ACAN: variants seen among roughly 807,000 people sequenced by gnomAD.
ACAN encodes aggrecan.
In ACAN, 47 loss-of-function variants were observed where a neutral mutation model predicts 169.1. That is an observed-to-expected ratio of 0.28 (90% confidence interval 0.22 to 0.35). The LOEUF is 0.35. Among genes scored for constraint, ACAN ranks in the 10% least tolerant of loss-of-function variants. The pLI is 1.00. For synonymous variants in ACAN, 1,115 were observed against 1,112.2 expected, an observed-to-expected ratio of 1.00 and a Z score of -0.05; for missense variants, 2,716 against 2,759.9, an observed-to-expected ratio of 0.98 and a Z score of 0.36.
chr15:88,871,242 C>A lies in ACAN; in HGVS notation c.7061-140C>A. Reference sequence around the variant, plus strand: ...AGACCAGTTTCCAACCTGAACTCCTCCAGCTGTGCCTCTCCCTTCCCTTGA... The same window carrying A: ...AGACCAGTTTCCAACCTGAACTCCTACAGCTGTGCCTCTCCCTTCCCTTGA... On this transcript the variant is annotated intron_variant, in intron 14 of 18. Coordinates refer to ENST00000560601, the MANE Select transcript of ACAN (RefSeq NM_001369268.1). The surrounding 1 kb of genome is among the most constrained non-coding windows in gnomAD (Gnocchi z 7.8). The A allele has an allele frequency of 8.1e-7, 1 of 1,234,434 alleles. No individual in the cohort carries two copies. The highest frequency in any genetic ancestry group is 1.1e-6 in the Non-Finnish European group (1 of 889,914). 76.5% of individuals were successfully genotyped at this position (1,234,434 alleles called of 1,614,324 possible).
chr15:88,837,182 G>A (rs1308907759), intron 2 of ACAN, among the ~76,000 whole-genome samples: 1 of 152,186 alleles, frequency 6.6e-6, no homozygotes, highest in Non-Finnish European at 1.5e-5. Flanking sequence ...CTGTTTGTAT[G>A]GGGTGTGGGC....
intron 1 of ACAN, among the ~76,000 whole-genome samples, chr15:88,835,088 G>T (rs1014039511): frequency 1.3e-5 from 2 of 152,326 alleles, no homozygotes; most frequent in East Asian, 1.9e-4. Context: ...GAGAGCTACA[G>T]CTTCCTAGGT....
At chr15:88,863,097 C>A (rs2141621543) in intron 13 of ACAN, among the ~76,000 whole-genome samples, 1 of 151,910 alleles carries the variant, frequency 6.6e-6, no homozygotes, top group Non-Finnish European at 1.5e-5. Context: ...ATATTTGAAT[C>A]CTCAGGGAAA....
Position 88,847,975 on chromosome 15 carries a change from A to G in ACAN, c.1669A>G (p.Thr557Ala), listed in dbSNP as rs2141587498. 1 of 1,613,970 alleles carries G rather than the reference A, an allele frequency of 6.2e-7. No homozygotes were observed. The highest frequency in any genetic ancestry group is 2.2e-5 in the East Asian group (1 of 44,882). ...CAAGGACAGCAGCCCAGGGGTCAGG[A>G]CCTATGGCGTGCGCCCATCAACAGA... ...GDKDSSPGVR[T>A]YGVRPSTETY... Residue 557 changes from threonine to alanine, a missense_variant, in exon 9 of 19, where the codon ACC becomes GCC. By Grantham distance (58) the Thr-to-Ala change is moderately conservative. This residue lies in a region of ACAN where 1,283 missense variants were observed against 1,281.5 expected (regional missense o/e 1.00). Transcript: ENST00000560601.
At position 88,843,605 on chromosome 15, in the gene ACAN, C is replaced by T. The variant is rs757990771; in HGVS notation, c.1008C>T (p.Gly336=). ...RTVYVHANQT[G]YPDPSSRYDA... ...TCTACGTGCATGCCAACCAGACGGG[C>T]TACCCCGACCCCTCATCCCGCTACG... Residue 336 remains glycine (G), a synonymous_variant, in exon 6 of 19, where the codon GGC becomes GGT. Coordinates refer to ENST00000560601, the MANE Select transcript of ACAN (RefSeq NM_001369268.1). The surrounding 1 kb of genome is among the most constrained non-coding windows in gnomAD (Gnocchi z 4.0). 1.3e-5 allele frequency: 21 copies of T among 1,597,850 alleles called. No homozygotes were observed. The highest frequency in any genetic ancestry group is 1.7e-4 in the Middle Eastern group (1 of 6,036).
Position 88,871,981 on chromosome 15 carries a change from G to C in ACAN, c.7220-22G>C, listed in dbSNP as rs1357000290. ...CCTCAGGGTGTCCAGTGTGATGCCT[G>C]ACACCCTCACCCTTTCCCCAGACAA... is the stretch of plus-strand genomic sequence containing the variant. On this transcript the variant is annotated intron_variant, in intron 15 of 18. Transcript: ENST00000560601. The surrounding 1 kb of genome is among the most constrained non-coding windows in gnomAD (Gnocchi z 7.8). The C allele has an allele frequency of 1.9e-5, 31 of 1,603,950 alleles. No individual in the cohort carries two copies. The highest frequency in any genetic ancestry group is 2.6e-5 in the Non-Finnish European group (31 of 1,170,636).
chr15:88,849,779 AC>A lies in ACAN; in HGVS notation c.2026+52del, dbSNP rs757997957. On this transcript the variant is annotated intron_variant, in intron 10 of 18. Coordinates refer to ENST00000560601, the MANE Select transcript of ACAN (RefSeq NM_001369268.1). This position sits in a 1 kb window ranked among gnomAD's most constrained non-coding sequence, Gnocchi z 5.1. ...CAACAGCCCCTTTTGTCTGGAGAGG[AC>A]CCCACTGGGTTCACCGGATCCTGCC... 6.3e-7 allele frequency: 1 copy of A among 1,595,882 alleles called. No homozygotes were observed. Among genetic ancestry groups the A allele is most frequent in the Non-Finnish European group, 8.5e-7 (1 of 1,171,468 alleles).
At chr15:88,810,194 C>T (rs905279041) in intron 1 of ACAN, among the ~76,000 whole-genome samples, 2 of 152,068 alleles carry the variant, frequency 1.3e-5, no homozygotes, top group Admixed American at 6.5e-5. Context: ...AGGTCCCATT[C>T]CAGCCAGTAA....
chr15:88,838,666 A>G lies in ACAN; in HGVS notation c.74A>G (p.His25Arg). 1 of 1,579,098 alleles carries G rather than the reference A, an allele frequency of 6.3e-7. No homozygotes were observed. The highest frequency in any genetic ancestry group is 8.6e-7 in the Non-Finnish European group (1 of 1,161,092). ...TAAVTVETSD[H>R]DNSLSVSIPQ... ...CTACCCCACCTCTCCCACACAGACC[A>G]TGACAACTCGCTGAGTGTCAGCATC... The change falls in exon 3 of 19, where the codon CAT (histidine) becomes CGT (arginine). Residue 25 changes from histidine (H) to arginine (R), a missense_variant. Coordinates refer to ENST00000560601, the MANE Select transcript of ACAN (RefSeq NM_001369268.1). This position sits in a 1 kb window ranked among gnomAD's most constrained non-coding sequence, Gnocchi z 5.1.
At position 88,807,031 on chromosome 15, in the gene ACAN, T is replaced by G. The variant is rs1291226073; in HGVS notation, c.-8+3222T>G. Among the ~76,000 whole-genome samples the G allele has an allele frequency of 6.6e-6, 1 of 151,050 alleles. No homozygotes were observed. Among genetic ancestry groups the G allele is most frequent in the Non-Finnish European group, 1.5e-5 (1 of 68,026 alleles). On this transcript the variant is annotated intron_variant, in intron 1 of 18. Coordinates refer to ENST00000560601, the MANE Select transcript of ACAN (RefSeq NM_001369268.1). This position sits in a 1 kb window ranked among gnomAD's most constrained non-coding sequence, Gnocchi z 4.0. ...TACAAATTTGATATTTGCATATATTTTTATTTAATTTTTTTTTTACTATAT... is the reference window on the plus strand; with the variant it reads ...TACAAATTTGATATTTGCATATATTGTTATTTAATTTTTTTTTTACTATAT...
In ACAN at chr15:88,843,279, G is replaced by C. The variant is rs1896709689; in HGVS notation, c.758-76G>C. On this transcript the variant is annotated intron_variant, in intron 5 of 18. Coordinates refer to ENST00000560601, the MANE Select transcript of ACAN (RefSeq NM_001369268.1). The surrounding 1 kb of genome is among the most constrained non-coding windows in gnomAD (Gnocchi z 4.0). ...AGGACTCCCAAGACCTCGTGGAAAA[G>C]TGTGGATCTCTCTGGGGATGCAGAG... is the stretch of plus-strand genomic sequence containing the variant. 3 of 1,370,004 alleles carry C rather than the reference G, an allele frequency of 2.2e-6. No individual in the cohort carries two copies. The highest frequency in any genetic ancestry group is 1.5e-5 in the African/African-American group (1 of 66,164). 84.9% of individuals were successfully genotyped at this position (1,370,004 alleles called of 1,614,324 possible).
In ACAN at chr15:88,872,052, A is replaced by T. The variant is rs780745834; in HGVS notation, c.7269A>T (p.Glu2423Asp). Reference sequence around the variant, plus strand: ...TCGGCCTGAACGACAGGACCATCGAAGGGGACTTCCGCTGGTCAGATGGAC... The same window carrying T: ...TCGGCCTGAACGACAGGACCATCGATGGGGACTTCCGCTGGTCAGATGGAC... Reference protein sequence around the residue: ...QWIGLNDRTIEGDFRWSDGHP... With the variant: ...QWIGLNDRTIDGDFRWSDGHP... The change falls in exon 16 of 19, where the codon GAA (glutamate) becomes GAT (aspartate). Residue 2423 changes from glutamate (E) to aspartate (D), a missense_variant. By Grantham distance (45) the Glu-to-Asp change is conservative. Around this residue, in one of 3 missense-constraint regions of ACAN, gnomAD observed 1,389 missense variants for 1,363.7 expected, o/e 1.02. Transcript: ENST00000560601. This position sits in a 1 kb window ranked among gnomAD's most constrained non-coding sequence, Gnocchi z 5.4. 2 of 1,613,964 alleles carry T rather than the reference A, an allele frequency of 1.2e-6. No homozygotes were observed. Among genetic ancestry groups the T allele is most frequent in the Admixed American group, 1.7e-5 (1 of 60,032 alleles).
In ACAN at chr15:88,843,794, C is replaced by T. The variant is rs1896727510; in HGVS notation, c.1051+146C>T. The T allele has an allele frequency of 3.0e-6, 3 of 993,990 alleles. No homozygotes were observed. The highest frequency in any genetic ancestry group is 4.3e-6 in the Non-Finnish European group (3 of 703,794). 61.6% of individuals were successfully genotyped at this position (993,990 alleles called of 1,614,324 possible). On this transcript the variant is annotated intron_variant, in intron 6 of 18. Coordinates refer to ENST00000560601, the MANE Select transcript of ACAN (RefSeq NM_001369268.1). The surrounding 1 kb of genome is among the most constrained non-coding windows in gnomAD (Gnocchi z 4.0). Reference sequence around the variant, plus strand: ...AACCCCATGTTTTTAGGACACCCCTCCATTTTCACTGGTTCCTAGGAAGCC... The same window carrying T: ...AACCCCATGTTTTTAGGACACCCCTTCATTTTCACTGGTTCCTAGGAAGCC...
intron 1 of ACAN, 99 bp from the exon 2 acceptor site, chr15:88,836,101 G>C (rs1487408490): frequency 7.5e-6 from 6 of 803,476 alleles, no homozygotes; most frequent in Non-Finnish European, 2.1e-6. Context: ...CCAGGTCCTT[G>C]GGTGTGGAAT....
intron 2 of ACAN, among the ~76,000 whole-genome samples, chr15:88,836,800 C>A (rs930576531): frequency 1.3e-5 from 2 of 152,252 alleles, no homozygotes; most frequent in Non-Finnish European, 2.9e-5. Context: ...GGGTCTACTG[C>A]TAATCCAGCA....
At chr15:88,840,786 TA>T (rs11333209) in intron 4 of ACAN, among the ~76,000 whole-genome samples, 77,302 of 136,218 alleles carry the variant, frequency 0.57, 20,731 homozygotes, top group African/African-American at 0.64. Flanking sequence ...ACTATAGCCA[TA>T]AAAAAAAAAA....
chr15:88,847,387 A>T lies in ACAN; in HGVS notation c.1574A>T (p.Asp525Val). 1 of 1,585,610 alleles carries T rather than the reference A, an allele frequency of 6.3e-7. No homozygotes were observed. Among genetic ancestry groups the T allele is most frequent in the Non-Finnish European group, 8.6e-7 (1 of 1,164,282 alleles). Residue 525 changes from aspartate to valine, a missense_variant, in exon 8 of 19, where the codon GAC becomes GTC. Transcript: ENST00000560601. ...TACGAAGCAGGCTATGAGCAGTGTG[A>T]CGCCGGCTGGCTGCGGGACCAGACC... is the stretch of plus-strand genomic sequence containing the variant. Reference protein sequence around the residue: ...AAYEAGYEQCDAGWLRDQTVR... With the variant: ...AAYEAGYEQCVAGWLRDQTVR...
At position 88,866,237 on chromosome 15, in the gene ACAN, G is replaced by A. The variant is rs1007827659; in HGVS notation, c.6947-1979G>A. ...GCCCTTTCTCCCATGGGCAGCCAGAGGCCCCAGGGTTGATGTTTTACTCTT... is the reference window on the plus strand; with the variant it reads ...GCCCTTTCTCCCATGGGCAGCCAGAAGCCCCAGGGTTGATGTTTTACTCTT... On this transcript the variant is annotated intron_variant, in intron 13 of 18. Transcript: ENST00000560601. This position sits in a 1 kb window ranked among gnomAD's most constrained non-coding sequence, Gnocchi z 5.6. 6.6e-6 allele frequency among the ~76,000 whole-genome samples: 1 copy of A among 152,110 alleles called. No individual in the cohort carries two copies. Among genetic ancestry groups the A allele is most frequent in the Non-Finnish European group, 1.5e-5 (1 of 68,014 alleles).
At chr15:88,828,301 G>T (rs967284859) in intron 1 of ACAN, among the ~76,000 whole-genome samples, 2 of 152,136 alleles carry the variant, frequency 1.3e-5, no homozygotes, top group Non-Finnish European at 2.9e-5. Context: ...GCACTGCCAG[G>T]GGATAAGACC....
Sources: allele counts gnomAD v4.1 joint callset (sites outside exome capture counted in the v4.1 genomes callset), GRCh38; gene constraint gnomAD v4.1.1; regional missense constraint gnomAD v4.1.1; non-coding constraint Gnocchi (gnomAD v3.1); transcripts MANE v1.5; gene names NCBI Gene and HGNC (gene_info 2026-07-23, HGNC 2026-07-21).